PRKG1: variants seen among roughly 807,000 people sequenced by gnomAD.
The protein encoded by PRKG1 is cGMP-dependent protein kinase 1.
Under a neutral mutation model 88.1 loss-of-function variants are expected in PRKG1, and 35 were observed. The observed-to-expected ratio is 0.40, with a 90% CI of 0.30 to 0.53. The LOEUF (loss-of-function observed/expected upper bound fraction) is 0.53, where lower values mean the gene tolerates loss of function less well. PRKG1 is among the 20% of genes least tolerant of loss of function. PRKG1 has a pLI of 0.59. For missense variants in PRKG1, 540 were observed against 839.8 expected (o/e 0.64, Z 4.41); for synonymous variants, 303 against 292.5 (o/e 1.04, Z -0.37).
intron 2 of PRKG1, among the ~76,000 whole-genome samples, chr10:51,454,793 G>T (rs1329568803): frequency 6.6e-6 from 1 of 152,106 alleles, no homozygotes; most frequent in African/African-American, 2.4e-5. Context: ...ATCTCCCACT[G>T]GGTCCCTCAC....
Position 52,298,071 on chromosome 10 carries a change from T to C in PRKG1, c.*4171T>C, listed in dbSNP as rs76022725. On this transcript the variant is annotated 3_prime_UTR_variant, in exon 18 of 18. Coordinates refer to ENST00000373980, the MANE Select transcript of PRKG1 (RefSeq NM_006258.4). ...CATCTATCAAATTTATTTCAATGTA[T>C]GATGTTTTTACAACTGGTCAGTTCT... The C allele has an allele frequency of 2.6e-5, 4 of 152,268 alleles. No homozygotes were observed. Among genetic ancestry groups the C allele is most frequent in the African/African-American group, 9.6e-5 (4 of 41,564 alleles). 9.4% of individuals were successfully genotyped at this position (152,268 alleles called of 1,614,324 possible).
chr10:52,028,718 G>A (rs968706801), intron 5 of PRKG1, among the ~76,000 whole-genome samples: 1 of 152,136 alleles, frequency 6.6e-6, no homozygotes, highest in African/African-American at 2.4e-5. Context: ...AATTGGTTTT[G>A]ATATTTTGAA....
chr10:51,359,242 T>C (rs1168577452), intron 2 of PRKG1, among the ~76,000 whole-genome samples: 3 of 152,066 alleles, frequency 2.0e-5, no homozygotes, highest in African/African-American at 7.2e-5. Flanking sequence ...CAATACATAT[T>C]ATAATTATTT....
intron 5 of PRKG1, among the ~76,000 whole-genome samples, chr10:52,039,996 T>A (rs1159492012): frequency 2.0e-5 from 3 of 152,154 alleles, no homozygotes; most frequent in Non-Finnish European, 4.4e-5. Context: ...ATCCTTACCA[T>A]AAGAACCACA....
chr10:51,843,770 A>T (rs1840336471), intron 4 of PRKG1, among the ~76,000 whole-genome samples: 1 of 152,190 alleles, frequency 6.6e-6, no homozygotes, highest in Non-Finnish European at 1.5e-5. Context: ...TTACAGAGAA[A>T]TATTAAATTT....
At chr10:51,673,075 C>A (rs189947602) in intron 3 of PRKG1, among the ~76,000 whole-genome samples, 1 of 152,130 alleles carries the variant, frequency 6.6e-6, no homozygotes, top group East Asian at 1.9e-4. Context: ...AGAGCCATCC[C>A]AAGGTCAGTC....
intron 3 of PRKG1, among the ~76,000 whole-genome samples, chr10:51,478,723 C>T (rs1840270997): frequency 2.8e-5 from 4 of 143,094 alleles, no homozygotes; most frequent in Non-Finnish European, 6.1e-5. Context: ...TTAAGCATAA[C>T]ATGAAGCAGA....
chr10:51,888,424 C>T (rs1015902641), intron 4 of PRKG1, among the ~76,000 whole-genome samples: 3 of 152,202 alleles, frequency 2.0e-5, no homozygotes, highest in African/African-American at 7.2e-5. Context: ...TGTGACACAT[C>T]AACTAAAAGC....
chr10:51,163,789 A>T (rs908375675), intron 2 of PRKG1, among the ~76,000 whole-genome samples: 1 of 152,198 alleles, frequency 6.6e-6, no homozygotes, highest in Admixed American at 6.5e-5. Flanking sequence ...AGTCTCGCTG[A>T]TTGCTAGCAC....
intron 5 of PRKG1, among the ~76,000 whole-genome samples, chr10:52,007,946 G>A (rs1844781477): frequency 6.6e-6 from 1 of 151,974 alleles, no homozygotes; most frequent in African/African-American, 2.4e-5. Flanking sequence ...CTACAGTGCA[G>A]TAAAAATTGA....
chr10:52,237,258 C>T (rs948331780), intron 9 of PRKG1, among the ~76,000 whole-genome samples: 4 of 145,496 alleles, frequency 2.7e-5, no homozygotes, highest in Non-Finnish European at 4.5e-5. Context: ...AAAACTGGCA[C>T]AAGACAGGGA....
At chr10:51,971,282 T>C (rs1843709073) in intron 5 of PRKG1, among the ~76,000 whole-genome samples, 1 of 152,038 alleles carries the variant, frequency 6.6e-6, no homozygotes, top group Non-Finnish European at 1.5e-5. Flanking sequence ...TATCCAATAA[T>C]TTTCCACTTC....
chr10:52,163,892 A>T (rs1838352368), intron 9 of PRKG1, among the ~76,000 whole-genome samples: 1 of 152,202 alleles, frequency 6.6e-6, no homozygotes, highest in African/African-American at 2.4e-5. Context: ...ATGAACCTGA[A>T]TGAAGGCCAG....
intron 3 of PRKG1, among the ~76,000 whole-genome samples, chr10:51,646,673 A>T (rs1350143657): frequency 1.3e-5 from 2 of 152,172 alleles, no homozygotes; most frequent in African/African-American, 4.8e-5. Flanking sequence ...CACTTGATAT[A>T]TTATACTTTC....
At chr10:51,096,155 C>T (rs1282441486) in intron 1 of PRKG1, among the ~76,000 whole-genome samples, 1 of 151,520 alleles carries the variant, frequency 6.6e-6, no homozygotes, top group Non-Finnish European at 1.5e-5. Flanking sequence ...CACAGCAGCT[C>T]AAGAGGGATA....
intron 4 of PRKG1, among the ~76,000 whole-genome samples, chr10:51,851,398 A>T (rs1840550999): frequency 6.6e-6 from 1 of 152,060 alleles, no homozygotes. Flanking sequence ...TGTGCTAGTA[A>T]GCATCCTTAA....
At chr10:51,940,517 T>C (rs1378907621) in intron 5 of PRKG1, among the ~76,000 whole-genome samples, 1 of 151,920 alleles carries the variant, frequency 6.6e-6, no homozygotes, top group Non-Finnish European at 1.5e-5. Flanking sequence ...TGGATACCTA[T>C]GATGGCTATA....
intron 7 of PRKG1, among the ~76,000 whole-genome samples, chr10:52,094,560 C>G (rs1407471604): frequency 6.6e-6 from 1 of 152,164 alleles, no homozygotes; most frequent in East Asian, 1.9e-4. Context: ...TCTGCTCAAG[C>G]TGTCACAACA....
chr10:52,091,487 A>G (rs762316166), intron 7 of PRKG1, among the ~76,000 whole-genome samples: 3 of 152,230 alleles, frequency 2.0e-5, no homozygotes, highest in Non-Finnish European at 2.9e-5. Flanking sequence ...GAGTTATTTC[A>G]GAAATTCTGC....
Sources: allele counts gnomAD v4.1 joint callset (sites outside exome capture counted in the v4.1 genomes callset), GRCh38; gene constraint gnomAD v4.1.1; transcripts MANE v1.5; gene names NCBI Gene and HGNC (gene_info 2026-07-23, HGNC 2026-07-21).